The following C8orf58 variants were observed in gnomAD, a reference collection of about 807,000 sequenced individuals.
C8orf58 encodes the protein uncharacterized protein C8orf58.
In C8orf58, 31 loss-of-function variants were observed where a neutral mutation model predicts 36.8. That is an observed-to-expected ratio of 0.84 (90% CI 0.63 to 1.14). The LOEUF (loss-of-function observed/expected upper bound fraction) is 1.14, where lower values mean the gene tolerates loss of function less well. Among genes scored for constraint, C8orf58 ranks in the 50% most tolerant of loss-of-function variants. C8orf58 has a pLI of 0.00. For missense variants in C8orf58, 538 were observed against 480.8 expected (o/e 1.12, Z -1.11); for synonymous variants, 230 against 200.2 (o/e 1.15, Z -1.26).
At position 22,601,332 on chromosome 8, in the gene C8orf58, T is replaced by G; in HGVS notation, c.491T>G (p.Leu164Arg). The G allele has an allele frequency of 6.3e-7, 1 of 1,589,580 alleles. No homozygotes were observed. The highest frequency in any genetic ancestry group is 1.1e-5 in the South Asian group (1 of 89,616). Residue 164 changes from leucine to arginine, a missense_variant, in exon 2 of 7, where the codon CTA becomes CGA. Physicochemically the swap from Leu to Arg is moderately radical, Grantham distance 102. Transcript: ENST00000289989. ...GAGTCCATGGAGGCAGACACAGACC[T>G]AGAGGCAGGCCTGGAAGAAGAGGCG... ...QQESMEADTD[L>R]EAGLEEEAVG... is the part of the protein sequence containing the mutation.
In C8orf58 at chr8:22,601,344, T is replaced by G. The variant is rs778973615; in HGVS notation, c.503T>G (p.Leu168Arg). ...GCAGACACAGACCTAGAGGCAGGCC[T>G]GGAAGAAGAGGCGGTGAGTGCTCAC... ...MEADTDLEAG[L>R]EEEAVGGLGP... The change falls in exon 2 of 7, where the codon CTG (leucine) becomes CGG (arginine). Residue 168 changes from leucine to arginine, a missense_variant. Transcript: ENST00000289989. 55 of 1,581,008 alleles carry G rather than the reference T, an allele frequency of 3.5e-5. No individual in the cohort carries two copies. Among genetic ancestry groups the G allele is most frequent in the Admixed American group, 2.1e-4 (12 of 57,896 alleles).
chr8:22,601,437 G>GGCAGGGA, intron 2 of C8orf58, 80 bp downstream of exon 2: 1 of 1,209,430 alleles, frequency 8.3e-7, no homozygotes, highest in Non-Finnish European at 1.1e-6. Context: ...GCTCTCTCTG[G>GGCAGGGA]GTGGGGCACT....
rs1800885624 is a variant in C8orf58, at chr8:22,602,188, G to A, written c.767-12G>A. 6.3e-7 allele frequency: 1 copy of A among 1,586,278 alleles called. No individual in the cohort carries two copies. The highest frequency in any genetic ancestry group is 8.6e-7 in the Non-Finnish European group (1 of 1,166,854). ...TCTTCTGGCCCTGGCCAACCTGACT[G>A]TCTTTCTGAAGGAGCAAAGGCTGCT... On this transcript the variant is annotated splice_polypyrimidine_tract_variant and intron_variant, in intron 4 of 6. Transcript: ENST00000289989.
intron 1 of C8orf58, chr8:22,600,066 C>G: frequency 3.7e-6 from 1 of 270,508 alleles, no homozygotes; most frequent in Non-Finnish European, 6.9e-6. Flanking sequence ...GCCCCAGCCC[C>G]CTCCGTGGCT....
In C8orf58 at chr8:22,601,059, T is replaced by C. The variant is rs776911845; in HGVS notation, c.218T>C (p.Met73Thr). The change falls in exon 2 of 7, where the codon ATG (methionine) becomes ACG (threonine). Residue 73 changes from methionine to threonine, a missense_variant. Transcript: ENST00000289989. ...KLASRDSGVEMAVGDSPLAAL... is the reference protein window; with the variant it reads ...KLASRDSGVETAVGDSPLAAL... ...GCCTCCCGGGACTCAGGAGTGGAGA[T>C]GGCAGTTGGGGACAGCCCCCTGGCC... The C allele has an allele frequency of 8.1e-6, 13 of 1,612,700 alleles. No individual in the cohort carries two copies. The East Asian group carries it at 2.2e-4, about 28-fold the overall frequency.
In C8orf58 at chr8:22,603,359, T is replaced by C. The variant is rs768008713; in HGVS notation, c.*53T>C. On this transcript the variant is annotated 3_prime_UTR_variant, in exon 7 of 7. Coordinates refer to ENST00000289989, the MANE Select transcript of C8orf58 (RefSeq NM_001013842.3). ...GGTGGAGGGGACTTGCTGTGAAGTC[T>C]TCCTCGCCCTCTGCCCTCTTGCTGC... 1.0e-5 allele frequency: 13 copies of C among 1,264,296 alleles called. No homozygotes were observed. In the Admixed American group the frequency reaches 2.2e-4, roughly 21 times the overall value. 78.3% of individuals were successfully genotyped at this position (1,264,296 alleles called of 1,614,324 possible).
chr8:22,599,875 G>A (rs2272718), intron 1 of C8orf58, 115 bp downstream of exon 1: 135,801 of 465,580 alleles, frequency 0.29, 21,059 homozygotes, highest in South Asian at 0.37. Flanking sequence ...CCCCGCGGGC[G>A]GAGCCCGCGC....
At chr8:22,602,127 A>G (rs1800884268) in intron 4 of C8orf58, 47 bp downstream of exon 4, 1 of 1,549,372 alleles carries the variant, frequency 6.5e-7, no homozygotes, top group East Asian at 2.4e-5. Context: ...CTGGGGTCCC[A>G]CCAGCAGGTC....
chr8:22,601,609 G>C (rs1370547706), intron 2 of C8orf58, 103 bp from the exon 3 acceptor site: 22 of 1,366,040 alleles, frequency 1.6e-5, no homozygotes, highest in Non-Finnish European at 2.2e-5. Context: ...TCCTCCTCGG[G>C]GCCCACTCTG....
At chr8:22,602,731 G>A in intron 6 of C8orf58, 88 bp downstream of exon 6, 1 of 902,154 alleles carries the variant, frequency 1.1e-6, no homozygotes, top group South Asian at 1.7e-5. Flanking sequence ...TGTCATTATT[G>A]TCCCCGCAAA....
Position 22,603,320 on chromosome 8 carries a change from A to C in C8orf58, c.*14A>C. 3 of 1,573,204 alleles carry C rather than the reference A, an allele frequency of 1.9e-6. No individual in the cohort carries two copies. The highest frequency in any genetic ancestry group is 2.6e-6 in the Non-Finnish European group (3 of 1,143,160). On this transcript the variant is annotated 3_prime_UTR_variant, in exon 7 of 7. Coordinates refer to ENST00000289989, the MANE Select transcript of C8orf58 (RefSeq NM_001013842.3). ...TCTGTAGGCTGAGACCTCTCGGTGC[A>C]CCTGGTGACCCTGGGTGGAGGGGAC...
Position 22,600,837 on chromosome 8 carries a change from G to A in C8orf58, c.41-45G>A, listed in dbSNP as rs372629327. 300 of 1,473,108 alleles carry A rather than the reference G, an allele frequency of 2.0e-4. No individual in the cohort carries two copies. The African/African-American group carries it at 3.6e-3, about 18-fold the overall frequency. The allele number at this position is 1,473,108 out of a possible 1,614,324, so 91.3% of individuals were successfully genotyped here. On this transcript the variant is annotated intron_variant, in intron 1 of 6. Transcript: ENST00000289989. The stretch of plus-strand genomic sequence containing the variant: ...CTGCCAGCCTTCAGGAATGCTGGGG[G>A]TGTTGGGGGTGGCCTGCCCAGCCTG...
intron 1 of C8orf58, chr8:22,599,980 C>A: frequency 2.8e-6 from 1 of 359,848 alleles, no homozygotes; most frequent in East Asian, 4.1e-5. Context: ...AAACCAGCCA[C>A]CGCCTCCGCC....
At position 22,601,232 on chromosome 8, in the gene C8orf58, T is replaced by C. The variant is rs1800845846; in HGVS notation, c.391T>C (p.Leu131=). ...CCGGCTCCCAACAGCTCCCACCAGCTTGTCAGGACAACACCGCTCCCTGCG... is the reference window on the plus strand; with the variant it reads ...CCGGCTCCCAACAGCTCCCACCAGCCTGTCAGGACAACACCGCTCCCTGCG... ...SRRLPTAPTS[L]SGQHRSLRLA... Residue 131 remains leucine, a synonymous_variant, in exon 2 of 7, where the codon TTG becomes CTG. Coordinates refer to ENST00000289989, the MANE Select transcript of C8orf58 (RefSeq NM_001013842.3). 3.1e-6 allele frequency: 5 copies of C among 1,610,398 alleles called. No homozygotes were observed. Among genetic ancestry groups the C allele is most frequent in the Non-Finnish European group, 4.2e-6 (5 of 1,179,016 alleles).
At chr8:22,602,980 G>T (rs1800914442) in intron 6 of C8orf58, 1 of 598,504 alleles carries the variant, frequency 1.7e-6, no homozygotes, top group Non-Finnish European at 3.0e-6. Flanking sequence ...GAGCAAGGTG[G>T]AGCACAAAGG....
rs764512329 is a variant in C8orf58, at chr8:22,601,988, A to C, written c.674A>C (p.Glu225Ala). Residue 225 changes from glutamate to alanine, a missense_variant, in exon 4 of 7, where the codon GAG becomes GCG. Physicochemically the swap from Glu to Ala is moderately radical, Grantham distance 107. Coordinates refer to ENST00000289989, the MANE Select transcript of C8orf58 (RefSeq NM_001013842.3). ...QRPPGDPGEE[E>A]STRAPLPSPL... ...TGTGCATAGGATCCCGGCGAGGAGG[A>C]GTCGACCCGAGCCCCTTTACCGTCC... 85 of 1,555,330 alleles carry C rather than the reference A, an allele frequency of 5.5e-5. 2 individuals carry two copies. The South Asian group carries it at 8.4e-4, about 15-fold the overall frequency.
chr8:22,603,537 A>G lies in C8orf58; in HGVS notation c.*231A>G. 3.5e-6 allele frequency: 2 copies of G among 574,962 alleles called. No individual in the cohort carries two copies. The highest frequency in any genetic ancestry group is 6.3e-6 in the Non-Finnish European group (2 of 319,598). 35.6% of individuals were successfully genotyped at this position (574,962 alleles called of 1,614,324 possible). On this transcript the variant is annotated 3_prime_UTR_variant, in exon 7 of 7. Coordinates refer to ENST00000289989, the MANE Select transcript of C8orf58 (RefSeq NM_001013842.3). ...CTCCAGGGCTCTTCCTCCTCACCAG[A>G]AATCCCTGGGCTTCCACAATGTGAA...
Position 22,602,525 on chromosome 8 carries a change from TC to T in C8orf58, c.880-10del, listed in dbSNP as rs1800898034. On this transcript the variant is annotated splice_polypyrimidine_tract_variant and intron_variant, in intron 5 of 6. Transcript: ENST00000289989. The stretch of plus-strand genomic sequence containing the variant: ...GGGGAGGGCTCTGGGTGACCCCTCA[TC>T]CTCTGCTCAGCGGGATATCTCCCAC... The T allele has an allele frequency of 8.7e-6, 14 of 1,609,110 alleles. No homozygotes were observed. Among genetic ancestry groups the T allele is most frequent in the Non-Finnish European group, 1.2e-5 (14 of 1,176,378 alleles).
intron 6 of C8orf58, chr8:22,602,878 T>C (rs1045709280): frequency 1.7e-6 from 1 of 581,364 alleles, no homozygotes; most frequent in Non-Finnish European, 3.0e-6. Context: ...CAGTGACAGC[T>C]AGGACCAGAA....
Sources: gnomAD v4.1 joint callset for allele counts on GRCh38, gnomAD v4.1.1 for gene constraint, MANE v1.5 for transcripts, NCBI Gene and HGNC (gene_info 2026-07-23, HGNC 2026-07-21) for gene names.